DLGAP2: variants seen among roughly 807,000 people sequenced by gnomAD.
DLGAP2 encodes disks large-associated protein 2.
A neutral mutation model predicts 100.3 loss-of-function variants in DLGAP2; 26 were observed. The observed-to-expected ratio is 0.26, with a 90% CI of 0.19 to 0.36. The LOEUF is 0.36. Among genes scored for constraint, DLGAP2 ranks in the 10% least tolerant of loss-of-function variants. The probability of loss-of-function intolerance (pLI) is 1.00; values close to 1 mark genes in which losing one functional copy is unlikely to be tolerated. For synonymous variants in DLGAP2, 886 were observed against 630.1 expected, an observed-to-expected ratio of 1.41 and a Z score of -6.08; for missense variants, 1,858 against 1,453.2, an observed-to-expected ratio of 1.28 and a Z score of -4.53.
At chr8:942,899 C>T (rs910202867) in intron 2 of DLGAP2, among the ~76,000 whole-genome samples, 4 of 152,258 alleles carry the variant, frequency 2.6e-5, no homozygotes, top group African/African-American at 9.6e-5. Context: ...AAAACTCCCT[C>T]CCAGGAGAGC....
intron 3 of DLGAP2, among the ~76,000 whole-genome samples, chr8:1,409,189 C>A (rs912582245): frequency 6.6e-6 from 1 of 151,454 alleles, no homozygotes; most frequent in Admixed American, 6.6e-5. Flanking sequence ...GCGCCTGGCT[C>A]CCCTTGGACC....
At chr8:1,140,369 C>T (rs879290981) in intron 2 of DLGAP2, among the ~76,000 whole-genome samples, 6 of 129,100 alleles carry the variant, frequency 4.6e-5, no homozygotes, top group Admixed American at 9.0e-5. Context: ...ACACCTGCTC[C>T]GTCCTCTTTG....
intron 2 of DLGAP2, among the ~76,000 whole-genome samples, chr8:981,972 A>C (rs926569138): frequency 6.6e-6 from 1 of 152,222 alleles, no homozygotes; most frequent in Non-Finnish European, 1.5e-5. Flanking sequence ...ACTGGATACC[A>C]CATCCCTGGC....
intron 2 of DLGAP2, among the ~76,000 whole-genome samples, chr8:1,236,900 A>T (rs1415416139): frequency 1.2e-5 from 1 of 80,596 alleles, no homozygotes; most frequent in Admixed American, 1.4e-4. Flanking sequence ...ACATGGCGCC[A>T]TGTTTAGTTC....
intron 2 of DLGAP2, among the ~76,000 whole-genome samples, chr8:1,125,380 A>G (rs1456761312): frequency 6.6e-6 from 1 of 152,212 alleles, no homozygotes; most frequent in Non-Finnish European, 1.5e-5. Flanking sequence ...ATGGAAAAAA[A>G]TGAGTTTCTT....
intron 3 of DLGAP2, among the ~76,000 whole-genome samples, chr8:1,459,319 G>C (rs1798408218): frequency 6.6e-6 from 1 of 152,118 alleles, no homozygotes; most frequent in South Asian, 2.1e-4. Context: ...CCAGACAGGA[G>C]TGACAGCCAG....
chr8:1,510,670 A>G (rs1800130554), intron 4 of DLGAP2, among the ~76,000 whole-genome samples: 1 of 152,228 alleles, frequency 6.6e-6, no homozygotes, highest in South Asian at 2.1e-4. Flanking sequence ...ACTGAGGCAC[A>G]GAGAGAGTGG....
At chr8:945,722 A>C in intron 2 of DLGAP2, among the ~76,000 whole-genome samples, 1 of 152,218 alleles carries the variant, frequency 6.6e-6, no homozygotes. Context: ...GAACATTTAC[A>C]GGGAACATTT....
intron 3 of DLGAP2, among the ~76,000 whole-genome samples, chr8:1,347,440 A>T (rs1351471096): frequency 8.3e-6 from 1 of 121,040 alleles, no homozygotes; most frequent in East Asian, 2.8e-4. Context: ...CATGGCAACT[A>T]TGTGGAAGTT....
At chr8:1,622,718 T>A (rs1401482794) in intron 6 of DLGAP2, among the ~76,000 whole-genome samples, 1 of 152,202 alleles carries the variant, frequency 6.6e-6, no homozygotes, top group Admixed American at 6.5e-5. Flanking sequence ...AACTTTTCAC[T>A]ATTTAAAAAA....
intron 2 of DLGAP2, among the ~76,000 whole-genome samples, chr8:1,165,111 A>C (rs1017440259): frequency 4.2e-5 from 6 of 143,474 alleles, no homozygotes; most frequent in Non-Finnish European, 9.1e-5. Context: ...CAGGCCCTGC[A>C]CTTCTGCTGC....
intron 12 of DLGAP2, among the ~76,000 whole-genome samples, chr8:1,683,934 A>ATGTGTATATATATATG (rs1799037225): frequency 1.1e-5 from 1 of 93,536 alleles, no homozygotes; most frequent in Non-Finnish European, 2.0e-5. Flanking sequence ...GTGTGTATAT[A>ATGTGTATATATATATG]TGTGTATATA....
chr8:829,228 G>A (rs1231080829), intron 1 of DLGAP2, among the ~76,000 whole-genome samples: 1 of 152,130 alleles, frequency 6.6e-6, no homozygotes, highest in Non-Finnish European at 1.5e-5. Flanking sequence ...ATAAAGTGGA[G>A]GCAGAATGTG....
chr8:1,090,139 C>T (rs545941343), intron 2 of DLGAP2, among the ~76,000 whole-genome samples: 3 of 143,800 alleles, frequency 2.1e-5, no homozygotes, highest in Non-Finnish European at 4.6e-5. Context: ...TGCCTGTCTG[C>T]GCTCTGGAGC....
chr8:1,659,601 CTTCT>C (rs749651659), intron 8 of DLGAP2, among the ~76,000 whole-genome samples: 5 of 152,046 alleles, frequency 3.3e-5, no homozygotes, highest in Non-Finnish European at 5.9e-5. Context: ...AGGCAATGCC[CTTCT>C]TTGTCTTTTT....
chr8:1,517,039 G>A (rs1004127730), intron 4 of DLGAP2, among the ~76,000 whole-genome samples: 8 of 152,124 alleles, frequency 5.3e-5, no homozygotes, highest in Non-Finnish European at 8.8e-5. Flanking sequence ...TCACCTCCGC[G>A]GTCACCAGGA....
chr8:765,841 A>C (rs1425353601), intron 1 of DLGAP2, among the ~76,000 whole-genome samples: 1 of 152,066 alleles, frequency 6.6e-6, no homozygotes, highest in African/African-American at 2.4e-5. Flanking sequence ...ACACACCCCC[A>C]CACACATGCA....
chr8:1,122,521 C>G (rs1563203274), intron 2 of DLGAP2, among the ~76,000 whole-genome samples: 2 of 152,124 alleles, frequency 1.3e-5, no homozygotes, highest in African/African-American at 4.8e-5. Context: ...TAAGAAAATC[C>G]TTTTTCTTTT....
At chr8:1,505,887 T>TTAG (rs1371364995) in intron 4 of DLGAP2, among the ~76,000 whole-genome samples, 1 of 152,152 alleles carries the variant, frequency 6.6e-6, no homozygotes, top group Non-Finnish European at 1.5e-5. Flanking sequence ...CTATGAAGAG[T>TTAG]GCTATATTGA....
Sources: gnomAD v4.1 joint callset for allele counts (sites outside exome capture counted in the v4.1 genomes callset) on GRCh38, gnomAD v4.1.1 for gene constraint, MANE v1.5 for transcripts, NCBI Gene and HGNC (gene_info 2026-07-23, HGNC 2026-07-21) for gene names.